Variants in RNF31 observed in about 807,000 individuals in gnomAD.
RNF31 encodes ring finger protein 31, also known as E3 ubiquitin-protein ligase RNF31.
RNF31 carries 38 observed loss-of-function variants against 133.6 expected under a neutral mutation model. That is an observed-to-expected ratio of 0.28 (90% CI 0.22 to 0.37). The LOEUF (loss-of-function observed/expected upper bound fraction) is 0.37. RNF31 is among the 10% of genes least tolerant of loss of function. The probability of loss-of-function intolerance (pLI) is 1.00; values close to 1 mark genes in which losing one functional copy is unlikely to be tolerated. For missense variants in RNF31, 1,118 were observed against 1,394.1 expected, an observed-to-expected ratio of 0.80 and a Z score of 3.15; for synonymous variants, 582 against 552.3, an observed-to-expected ratio of 1.05 and a Z score of -0.75.
chr14:24,151,290 T>C lies in RNF31; in HGVS notation c.1648T>C (p.Ser550Pro). Reference sequence around the variant, plus strand: ...GCAGGACCCTGGGCTGGGTGCCTTTTCCTGTCAGGAGGCCCGGAGAGCCTG... The same window carrying C: ...GCAGGACCCTGGGCTGGGTGCCTTTCCCTGTCAGGAGGCCCGGAGAGCCTG... ...GQQDPGLGAFSCQEARRAWLD... is the reference protein window; with the variant it reads ...GQQDPGLGAFPCQEARRAWLD... The change falls in exon 9 of 21, where the codon TCC (serine) becomes CCC (proline). Residue 550 changes from serine (S) to proline (P), a missense_variant. By Grantham distance (74) the Ser-to-Pro change is moderately conservative. Transcript: ENST00000324103. The surrounding 1 kb of genome is among the most constrained non-coding windows in gnomAD (Gnocchi z 5.3). 3.1e-6 allele frequency: 5 copies of C among 1,614,200 alleles called. No homozygotes were observed. The highest frequency in any genetic ancestry group is 4.2e-6 in the Non-Finnish European group (5 of 1,180,034).
At chr14:24,150,956 A>G (rs1280548764) in intron 8 of RNF31, 68 bp downstream of exon 8, 1 of 1,518,904 alleles carries the variant, frequency 6.6e-7, no homozygotes. Flanking sequence ...CAGGTGGTTA[A>G]TAGTTTCTAT....
At position 24,159,945 on chromosome 14, in the gene RNF31, A is replaced by G; in HGVS notation, c.2981A>G (p.Tyr994Cys). The change falls in exon 19 of 21, where the codon TAT becomes TGT. Residue 994 changes from tyrosine (Y) to cysteine (C), a missense_variant. Around this residue, in one of 3 missense-constraint regions of RNF31, gnomAD observed 170 missense variants for 194.5 expected, o/e 0.87. Transcript: ENST00000324103. ...TGTGGCAAGGAAACTCCAGCTGGCT[A>G]TGCCGGCCTGTGCCAGTGAGTGCCA... ...EACGKETPAG[Y>C]AGLCQAHYKE... The G allele has an allele frequency of 1.9e-6, 3 of 1,613,882 alleles. No homozygotes were observed. The highest frequency in any genetic ancestry group is 2.2e-5 in the East Asian group (1 of 44,888).
At position 24,150,042 on chromosome 14, in the gene RNF31, G is replaced by A. The variant is rs2038238791; in HGVS notation, c.810-19G>A. The A allele has an allele frequency of 1.3e-6, 2 of 1,538,256 alleles. No individual in the cohort carries two copies. Among genetic ancestry groups the A allele is most frequent in the Middle Eastern group, 1.7e-4 (1 of 5,782 alleles). ...ACCAGGTGCCACTTCAGCAGGCCAT[G>A]TCTGCTTTTCCATTACAGTTTACCT... On this transcript the variant is annotated intron_variant, in intron 6 of 20. Transcript: ENST00000324103.
intron 5 of RNF31, 83 bp from the exon 6 acceptor site, chr14:24,149,323 C>G: frequency 7.3e-7 from 1 of 1,374,378 alleles, no homozygotes; most frequent in Non-Finnish European, 1.0e-6. Flanking sequence ...AAAAAGTAGT[C>G]TTGTGATTTG....
intron 11 of RNF31, among the ~76,000 whole-genome samples, chr14:24,154,620 C>T (rs1263415394): frequency 6.6e-6 from 1 of 152,130 alleles, no homozygotes; most frequent in African/African-American, 2.4e-5. Context: ...AATATCAAGA[C>T]CAAGAAATAA....
intron 5 of RNF31, 164 bp downstream of exon 5, chr14:24,149,040 C>G (rs954987782): frequency 3.2e-5 from 22 of 695,092 alleles, no homozygotes; most frequent in African/African-American, 1.1e-4. Context: ...CTCCGCTCAC[C>G]GCAACCTCCA....
rs1049850878 is a variant in RNF31 at position 24,151,039 on chromosome 14, C to T, written c.1489-92C>T. On this transcript the variant is annotated intron_variant, in intron 8 of 20. Transcript: ENST00000324103. This position sits in a 1 kb window ranked among gnomAD's most constrained non-coding sequence, Gnocchi z 5.3. ...CATTGCTGTACACTGATGACATGAT[C>T]CATATGTCTGAGCTGAGCCACTGTC... The T allele has an allele frequency of 1.9e-6, 3 of 1,563,890 alleles. No individual in the cohort carries two copies. In the African/African-American group the frequency reaches 4.0e-5, roughly 21 times the overall value.
rs374707158 is a variant in RNF31, at chr14:24,155,458, G to A, written c.2349G>A (p.Lys783=). ...CAGATGCCTATGCGTTGTTCCATAAGAAGCTGACCGAGGGTGTGCTGATGC... is the reference window on the plus strand; with the variant it reads ...CAGATGCCTATGCGTTGTTCCATAAAAAGCTGACCGAGGGTGTGCTGATGC... ...LEPDAYALFH[K]KLTEGVLMRD... The change falls in exon 13 of 21, where the codon AAG becomes AAA. Residue 783 remains lysine (K), a synonymous_variant. Coordinates refer to ENST00000324103, the MANE Select transcript of RNF31 (RefSeq NM_017999.5). The surrounding 1 kb of genome is among the most constrained non-coding windows in gnomAD (Gnocchi z 4.9). 6.8e-6 allele frequency: 11 copies of A among 1,614,082 alleles called. No homozygotes were observed. In the African/African-American group the frequency reaches 1.1e-4, roughly 16 times the overall value.
rs771588926 is a variant in RNF31, at chr14:24,151,976, C to T, written c.2114C>T (p.Ala705Val). 6 of 1,613,810 alleles carry T rather than the reference C, an allele frequency of 3.7e-6. No homozygotes were observed. In the East Asian group the frequency reaches 8.9e-5, roughly 24 times the overall value. Residue 705 changes from alanine to valine, a missense_variant, in exon 11 of 21, where the codon GCC becomes GTC. By Grantham distance (64) the Ala-to-Val change is moderately conservative (BLOSUM62 0). Transcript: ENST00000324103. The surrounding 1 kb of genome is among the most constrained non-coding windows in gnomAD (Gnocchi z 5.3). ...CAGGAGTGTGCCGTGTGTGGCTGGGCCCTGCCCCACAACCGGGTAAGTCCC... is the reference window on the plus strand; with the variant it reads ...CAGGAGTGTGCCGTGTGTGGCTGGGTCCTGCCCCACAACCGGGTAAGTCCC... ...LAQECAVCGW[A>V]LPHNRMQALT...
intron 16 of RNF31, 96 bp from the exon 17 acceptor site, chr14:24,157,802 T>A: frequency 8.7e-7 from 1 of 1,149,392 alleles, no homozygotes; most frequent in Non-Finnish European, 1.3e-6. Context: ...AATGTCTCCA[T>A]CTCCCCTCAC....
intron 4 of RNF31, 42 bp downstream of exon 4, chr14:24,148,743 G>C: frequency 6.2e-7 from 1 of 1,613,432 alleles, no homozygotes; most frequent in African/African-American, 1.3e-5. Flanking sequence ...AAGGAAACAG[G>C]AATTGTGAGA....
rs1225801042 is a variant in RNF31 at position 24,155,126 on chromosome 14, A to T, written c.2131-31A>T. ...CCTAGCCTGGCAGCTGTGGCTTCTGACCCCCTCCCCTCCAACCCCTCACCC... is the reference window on the plus strand; with the variant it reads ...CCTAGCCTGGCAGCTGTGGCTTCTGTCCCCCTCCCCTCCAACCCCTCACCC... On this transcript the variant is annotated intron_variant, in intron 11 of 20. Coordinates refer to ENST00000324103, the MANE Select transcript of RNF31 (RefSeq NM_017999.5). This position sits in a 1 kb window ranked among gnomAD's most constrained non-coding sequence, Gnocchi z 4.9. 7 of 1,595,464 alleles carry T rather than the reference A, an allele frequency of 4.4e-6. No individual in the cohort carries two copies. Among genetic ancestry groups the T allele is most frequent in the Non-Finnish European group, 6.0e-6 (7 of 1,165,948 alleles).
intron 18 of RNF31, 34 bp from the exon 19 acceptor site, chr14:24,159,830 C>G: frequency 6.4e-7 from 1 of 1,574,174 alleles, no homozygotes; most frequent in Non-Finnish European, 8.7e-7. Context: ...TCATTGGCCT[C>G]CCAACAGAGG....
chr14:24,155,837 C>G lies in RNF31; in HGVS notation c.2493+145C>G. 1.5e-6 allele frequency: 1 copy of G among 649,312 alleles called. No homozygotes were observed. The highest frequency in any genetic ancestry group is 1.8e-5 in the African/African-American group (1 of 54,734). 40.2% of individuals were successfully genotyped at this position (649,312 alleles called of 1,614,324 possible). A position where few individuals can be genotyped will look rare whatever the true frequency, so the allele number is the denominator to read the frequency against. On this transcript the variant is annotated intron_variant, in intron 14 of 20. Coordinates refer to ENST00000324103, the MANE Select transcript of RNF31 (RefSeq NM_017999.5). This position sits in a 1 kb window ranked among gnomAD's most constrained non-coding sequence, Gnocchi z 4.9. ...TTACAGACTACTCAGAAAGACTAGG[C>G]ACAAGGAGAAAGGGAAGCAGAGGGA...
intron 18 of RNF31, among the ~76,000 whole-genome samples, chr14:24,159,605 A>T (rs1355311439): frequency 6.7e-6 from 1 of 149,240 alleles, no homozygotes; most frequent in Non-Finnish European, 1.5e-5. Flanking sequence ...AAAAAAAAAA[A>T]ACACTATCTC....
intron 11 of RNF31, among the ~76,000 whole-genome samples, chr14:24,153,651 C>T (rs1458007455): frequency 6.6e-6 from 1 of 151,860 alleles, no homozygotes; most frequent in Non-Finnish European, 1.5e-5. Context: ...TACCTGTAAT[C>T]CTAGCACTTT....
Position 24,155,497 on chromosome 14 carries a change from C to T in RNF31, c.2388C>T (p.Phe796=). 1 of 1,614,188 alleles carries T rather than the reference C, an allele frequency of 6.2e-7. No individual in the cohort carries two copies. The highest frequency in any genetic ancestry group is 8.5e-7 in the Non-Finnish European group (1 of 1,180,044). ...GTGTGCTGATGCGGGACCCCAAGTT[C>T]TTGTGGTGTGCCCAGGTAAGTGGCC... ...TEGVLMRDPK[F]LWCAQCSFGF... is the part of the protein sequence containing the mutation. Residue 796 remains phenylalanine, a synonymous_variant, in exon 13 of 21, where the codon TTC becomes TTT. Coordinates refer to ENST00000324103, the MANE Select transcript of RNF31 (RefSeq NM_017999.5). This position sits in a 1 kb window ranked among gnomAD's most constrained non-coding sequence, Gnocchi z 4.9.
chr14:24,157,864 C>A (rs1455862477), intron 16 of RNF31, 34 bp from the exon 17 acceptor site: 1 of 1,585,050 alleles, frequency 6.3e-7, no homozygotes, highest in Non-Finnish European at 8.7e-7. Flanking sequence ...CCAACAGTCT[C>A]CAACTTCCTC....
In RNF31 at chr14:24,147,742, A is replaced by C. The variant is rs1254347390; in HGVS notation, c.44A>C (p.Glu15Ala). Residue 15 changes from glutamate to alanine, a missense_variant, in exon 1 of 21, where the codon GAG becomes GCG. Physicochemically the swap from Glu to Ala is moderately radical, Grantham distance 107 (BLOSUM62 -1). Around this residue, in one of 3 missense-constraint regions of RNF31, gnomAD observed 747 missense variants for 827.9 expected, o/e 0.90. Transcript: ENST00000324103. ...GAGCGGGCCTTCCTGGTGGCCCGCG[A>C]GGAGCTGGCGAGCGCCCTGAGGAGG... ...EEERAFLVAREELASALRRDS... is the reference protein window; with the variant it reads ...EEERAFLVARAELASALRRDS... 4 of 1,559,588 alleles carry C rather than the reference A, an allele frequency of 2.6e-6. No individual in the cohort carries two copies. The highest frequency in any genetic ancestry group is 3.5e-6 in the Non-Finnish European group (4 of 1,157,288).
Sources: allele counts gnomAD v4.1 joint callset (sites outside exome capture counted in the v4.1 genomes callset), GRCh38; gene constraint gnomAD v4.1.1; regional missense constraint gnomAD v4.1.1; non-coding constraint Gnocchi (gnomAD v3.1); transcripts MANE v1.5; gene names NCBI Gene and HGNC (gene_info 2026-07-23, HGNC 2026-07-21).